PLXNB3: variants seen among roughly 807,000 people sequenced by gnomAD.
The protein encoded by PLXNB3 is plexin B3.
Under a neutral mutation model 125.7 loss-of-function variants are expected in PLXNB3, and 80 were observed. The observed-to-expected ratio is 0.64, with a 90% CI of 0.53 to 0.77. The LOEUF is 0.77. PLXNB3 is among the 30% of genes least tolerant of loss of function. The pLI is 0.00. For synonymous variants in PLXNB3, 954 were observed against 783.3 expected (o/e 1.22, Z -3.64); for missense variants, 1,836 against 1,729.3 (o/e 1.06, Z -1.09).
Position 153,776,167 on chromosome X carries a change from A to G in PLXNB3, c.4682A>G (p.Lys1561Arg). Residue 1561 changes from lysine to arginine, a missense_variant, in exon 27 of 36, where the codon AAG becomes AGG. Lys to Arg is a conservative substitution (Grantham distance 26, BLOSUM62 2). Coordinates refer to ENST00000361971, the MANE Select transcript of PLXNB3 (RefSeq NM_005393.3). ...VKEKVLDQVY[K>R]GTPFSQRPSV... Reference sequence around the variant, plus strand: ...GAGAAGGTGTTGGACCAAGTCTACAAGGGCACCCCCTTCTCCCAGAGGCCC... The same window carrying G: ...GAGAAGGTGTTGGACCAAGTCTACAGGGGCACCCCCTTCTCCCAGAGGCCC... The G allele has an allele frequency of 8.4e-7, 1 of 1,196,995 alleles. No individual in the cohort carries two copies. The highest frequency in any genetic ancestry group is 1.1e-6 in the Non-Finnish European group (1 of 888,047).
intron 30 of PLXNB3, 57 bp downstream of exon 30, chrX:153,777,437 G>A (rs1034885902): frequency 4.6e-5 from 54 of 1,179,485 alleles, no homozygotes; most frequent in African/African-American, 7.0e-5. Context: ...GACCCCGACC[G>A]AGCCAGGGTG....
chrX:153,775,467 C>A, intron 25 of PLXNB3, 64 bp downstream of exon 25: 1 of 1,173,687 alleles, frequency 8.5e-7, no homozygotes. Flanking sequence ...CCCCATCGCA[C>A]CCTGGGCGGG....
rs367817552 is a variant in PLXNB3 at position 153,772,010 on chromosome X, G to C, written c.2664G>C (p.Ser888=). 55 of 1,187,135 alleles carry C rather than the reference G, an allele frequency of 4.6e-5. No homozygotes were observed. Among genetic ancestry groups the C allele is most frequent in the Non-Finnish European group, 6.1e-5 (54 of 882,656 alleles). Residue 888 remains serine, a synonymous_variant, in exon 15 of 36, where the codon TCG becomes TCC. Coordinates refer to ENST00000361971, the MANE Select transcript of PLXNB3 (RefSeq NM_005393.3). ...CNPEPSLYRT[S]ARIVCVTSPA... ...CTGAGCCCTCTCTCTACCGCACGTC[G>C]GCCCGGTGAGGCACTTGGAGGGTGA...
At chrX:153,772,409 T>C in intron 16 of PLXNB3, 122 bp downstream of exon 16, 1 of 545,000 alleles carries the variant, frequency 1.8e-6, no homozygotes, top group Non-Finnish European at 3.0e-6. Context: ...GCTGCATGTC[T>C]AGGAGGGAAG....
rs973767706 is a variant in PLXNB3 at position 153,778,990 on chromosome X, G to T, written c.5681G>T (p.Arg1894Leu). Residue 1894 changes from arginine to leucine, a missense_variant, in exon 36 of 36, where the codon CGC becomes CTC. Transcript: ENST00000361971. Reference sequence around the variant, plus strand: ...GGCCAGAAGCTGCAGCTGGCCTGCCGCCTGCAGCAGGTCGCCGCCCTGGTG... The same window carrying T: ...GGCCAGAAGCTGCAGCTGGCCTGCCTCCTGCAGCAGGTCGCCGCCCTGGTG... Reference protein sequence around the residue: ...PVGQKLQLACRLQQVAALVEN... With the variant: ...PVGQKLQLACLLQQVAALVEN... 8.3e-7 allele frequency: 1 copy of T among 1,198,427 alleles called. No homozygotes were observed.
In PLXNB3 at chrX:153,778,006, C is replaced by T. The variant is rs139661833; in HGVS notation, c.5320C>T (p.Arg1774Trp). 12 of 1,210,200 alleles carry T rather than the reference C, an allele frequency of 9.9e-6. No homozygotes were observed. Among genetic ancestry groups the T allele is most frequent in the East Asian group, 8.9e-5 (3 of 33,792 alleles). Residue 1774 changes from arginine to tryptophan, a missense_variant, in exon 32 of 36, where the codon CGG becomes TGG. Arg to Trp is a moderately radical substitution (Grantham distance 101, BLOSUM62 -3). Transcript: ENST00000361971. ...LKNPQLIFDV[R>W]VSDNVDAILA... ...GAACCCACAGCTCATCTTTGATGTA[C>T]GGGTGTCGGACAATGTGGACGCCAT... is the stretch of plus-strand genomic sequence containing the variant.
In PLXNB3 at chrX:153,767,035, G is replaced by T. The variant is rs781795736; in HGVS notation, c.208G>T (p.Ala70Ser). The T allele has an allele frequency of 8.3e-7, 1 of 1,210,636 alleles. No homozygotes were observed. Among genetic ancestry groups the T allele is most frequent in the Non-Finnish European group, 1.1e-6 (1 of 895,440 alleles). Residue 70 changes from alanine to serine, a missense_variant, in exon 3 of 36, where the codon GCA becomes TCA. Physicochemically the swap from Ala to Ser is moderately conservative, Grantham distance 99. Transcript: ENST00000361971. The stretch of plus-strand genomic sequence containing the variant: ...TGGCCGAGGCACACTCTATGTCGGC[G>T]CAGTGAACCGCCTCTTCCAGCTCAG... Reference protein sequence around the residue: ...APGRGTLYVGAVNRLFQLSPE... With the variant: ...APGRGTLYVGSVNRLFQLSPE...
chrX:153,773,486 C>T (rs1453569202), intron 18 of PLXNB3, 32 bp from the exon 19 acceptor site: 1 of 1,181,302 alleles, frequency 8.5e-7, no homozygotes, highest in East Asian at 3.0e-5. Flanking sequence ...TTGCCCACCG[C>T]CCGCCCACAC....
Position 153,775,602 on chromosome X carries a change from C to A in PLXNB3, c.4343C>A (p.Thr1448Asn). 2.5e-6 allele frequency: 3 copies of A among 1,210,520 alleles called. No individual in the cohort carries two copies. The highest frequency in any genetic ancestry group is 3.4e-6 in the Non-Finnish European group (3 of 894,826). The change falls in exon 26 of 36, where the codon ACC (threonine) becomes AAC (asparagine). Residue 1448 changes from threonine (T) to asparagine (N), a missense_variant. Thr to Asn is a moderately conservative substitution (Grantham distance 65). Coordinates refer to ENST00000361971, the MANE Select transcript of PLXNB3 (RefSeq NM_005393.3). Reference protein sequence around the residue: ...NPKLMLRRTETMVEKLLTNWL... With the variant: ...NPKLMLRRTENMVEKLLTNWL... Reference sequence around the variant, plus strand: ...TGGCCGGCTCCCCGCAGGACAGAGACCATGGTGGAGAAACTGCTCACCAAC... The same window carrying A: ...TGGCCGGCTCCCCGCAGGACAGAGAACATGGTGGAGAAACTGCTCACCAAC...
rs782550525 is a variant in PLXNB3, at chrX:153,776,345, A to G, written c.4730-11A>G. 2 of 1,160,794 alleles carry G rather than the reference A, an allele frequency of 1.7e-6. No individual in the cohort carries two copies. The highest frequency in any genetic ancestry group is 2.3e-6 in the Non-Finnish European group (2 of 857,450). ...AGGCTGTAGACTATCTGCTTCCCTG[A>G]CTCCCTCCAGAGTGGCGCTCAGGCC... On this transcript the variant is annotated splice_polypyrimidine_tract_variant and intron_variant, in intron 27 of 35. Transcript: ENST00000361971.
At chrX:153,778,913 G>C in intron 35 of PLXNB3, 22 bp from the exon 36 acceptor site, 1 of 1,133,858 alleles carries the variant, frequency 8.8e-7, no homozygotes, top group Non-Finnish European at 1.2e-6. Flanking sequence ...GCTCAGACAG[G>C]CACCCTCCTC....
Position 153,768,876 on chromosome X carries a change from G to A in PLXNB3, c.1267-72G>A, listed in dbSNP as rs1458740352. ...GGCTCTAAAAAGGAGCCCCCACTAGGAGGAGGGCGTGTCCCTGGAACAGGC... is the reference window on the plus strand; with the variant it reads ...GGCTCTAAAAAGGAGCCCCCACTAGAAGGAGGGCGTGTCCCTGGAACAGGC... On this transcript the variant is annotated intron_variant, in intron 4 of 35. Coordinates refer to ENST00000361971, the MANE Select transcript of PLXNB3 (RefSeq NM_005393.3). The A allele has an allele frequency of 1.1e-5, 12 of 1,126,989 alleles. No individual in the cohort carries two copies. In the East Asian group the frequency reaches 1.5e-4, roughly 14 times the overall value. 92.9% of individuals were successfully genotyped at this position (1,126,989 alleles called of 1,213,427 possible). A position where few individuals can be genotyped will look rare whatever the true frequency, so the allele number is the denominator to read the frequency against.
chrX:153,774,243 G>A lies in PLXNB3; in HGVS notation c.3577G>A (p.Gly1193Ser), dbSNP rs377669094. 2.1e-5 allele frequency: 25 copies of A among 1,195,691 alleles called. No homozygotes were observed. Among genetic ancestry groups the A allele is most frequent in the Admixed American group, 6.6e-5 (3 of 45,299 alleles). Residue 1193 changes from glycine (G) to serine (S), a missense_variant, in exon 21 of 36, where the codon GGC becomes AGC. Physicochemically the swap from Gly to Ser is moderately conservative, Grantham distance 56. Coordinates refer to ENST00000361971, the MANE Select transcript of PLXNB3 (RefSeq NM_005393.3). ...KEEVRVHIGRGECLVKTLTRT... is the reference protein window; with the variant it reads ...KEEVRVHIGRSECLVKTLTRT... ...GGAGGTGCGCGTGCACATCGGCCGC[G>A]GCGAGTGCCTGGTGAAGACGCTCAC...
chrX:153,769,254 C>A lies in PLXNB3; in HGVS notation c.1488C>A (p.Leu496=), dbSNP rs1230509633. 6.9e-6 allele frequency: 8 copies of A among 1,162,728 alleles called. No individual in the cohort carries two copies. Among genetic ancestry groups the A allele is most frequent in the Non-Finnish European group, 9.2e-6 (8 of 868,624 alleles). ...ACCCGCTGTGTGGCTGGTGTGTCCT[C>A]CAGGGCAGGTGAGCACGGGGCCTGT... ...AQDPLCGWCV[L]QGRCTRKGQC... The change falls in exon 6 of 36, where the codon CTC becomes CTA. Residue 496 remains leucine (L), a synonymous_variant. Transcript: ENST00000361971.
rs201865269 is a variant in PLXNB3 at position 153,770,671 on chromosome X, C to G, written c.2010+29C>G. 10 of 1,206,063 alleles carry G rather than the reference C, an allele frequency of 8.3e-6. No individual in the cohort carries two copies. The African/African-American group carries it at 1.2e-4, about 15-fold the overall frequency. ...GGTGGGCCCGAACTTCGGGCAGAGA[C>G]AGGGCTGTCCCTTCTCCACCCTTCC... On this transcript the variant is annotated intron_variant, in intron 10 of 35. Coordinates refer to ENST00000361971, the MANE Select transcript of PLXNB3 (RefSeq NM_005393.3).
chrX:153,774,160 G>T (rs1543781), intron 20 of PLXNB3, 26 bp from the exon 21 acceptor site: 2 of 1,202,919 alleles, frequency 1.7e-6, no homozygotes, highest in Non-Finnish European at 2.2e-6. Flanking sequence ...GGGGGCCAGC[G>T]GCTTAGGCTC....
chrX:153,771,102 C>T (rs782471906), intron 12 of PLXNB3, 21 bp downstream of exon 12: 3 of 1,151,350 alleles, frequency 2.6e-6, no homozygotes, highest in African/African-American at 1.8e-5. Flanking sequence ...GCCTTCCAAA[C>T]CCTCTTGCCC....
chrX:153,773,954 C>T lies in PLXNB3; in HGVS notation c.3375C>T (p.Thr1125=), dbSNP rs2091959813. 11 of 1,210,989 alleles carry T rather than the reference C, an allele frequency of 9.1e-6. No individual in the cohort carries two copies. The highest frequency in any genetic ancestry group is 1.2e-5 in the Non-Finnish European group (11 of 895,308). ...DRAHPQRVFF[T]LDNVQVDFAS... is the part of the protein sequence containing the mutation. ...CCCACCCGCAGCGGGTCTTCTTCACCCTAGACAACGTGCAAGTGGACTTCG... is the reference window on the plus strand; with the variant it reads ...CCCACCCGCAGCGGGTCTTCTTCACTCTAGACAACGTGCAAGTGGACTTCG... Residue 1125 remains threonine, a synonymous_variant, in exon 20 of 36, where the codon ACC becomes ACT. Coordinates refer to ENST00000361971, the MANE Select transcript of PLXNB3 (RefSeq NM_005393.3).
At chrX:153,778,123 G>A in intron 32 of PLXNB3, 28 bp downstream of exon 32, 1 of 1,210,848 alleles carries the variant, frequency 8.3e-7, no homozygotes, top group Middle Eastern at 2.3e-4. Flanking sequence ...AGCAGCAGCT[G>A]GCAGGGGCTT....
Sources: gnomAD v4.1 joint callset for allele counts on GRCh38, gnomAD v4.1.1 for gene constraint, MANE v1.5 for transcripts, NCBI Gene and HGNC (gene_info 2026-07-23, HGNC 2026-07-21) for gene names.